The following BTC variants were observed in gnomAD, a reference collection of about 807,000 sequenced individuals.
BTC encodes probetacellulin.
In BTC, 13 loss-of-function variants were observed where a neutral mutation model predicts 18.1. The ratio of observed to expected loss-of-function variants is 0.72; its 90% CI spans 0.47 to 1.14. The LOEUF is 1.14. Ranked by LOEUF, BTC falls within the 50% of genes most tolerant of loss-of-function variation. BTC has a pLI of 0.00. For missense variants in BTC, 247 were observed against 224.2 expected, an observed-to-expected ratio of 1.10 and a Z score of -0.65; for synonymous variants, 83 against 79.4, an observed-to-expected ratio of 1.05 and a Z score of -0.24.
At chr4:74,781,389 G>A (rs917566017) in intron 1 of BTC, among the ~76,000 whole-genome samples, 8 of 130,710 alleles carry the variant, frequency 6.1e-5, no homozygotes, top group Non-Finnish European at 1.2e-4. Context: ...CGTCACGTGT[G>A]TGTGTGTGTG....
chr4:74,748,190 T>C, intron 4 of BTC, 41 bp from the exon 5 acceptor site: 2 of 1,200,700 alleles, frequency 1.7e-6, no homozygotes, highest in Non-Finnish European at 2.4e-6. Context: ...GGCCTAGTAG[T>C]TCATGCGAAC....
intron 2 of BTC, among the ~76,000 whole-genome samples, chr4:74,757,705 C>G (rs147542592): frequency 6.6e-6 from 1 of 152,292 alleles, no homozygotes; most frequent in African/African-American, 2.4e-5. Context: ...AAACAACCAT[C>G]ATAACCAGAT....
intron 2 of BTC, among the ~76,000 whole-genome samples, chr4:74,759,043 T>C (rs1553957037): frequency 6.6e-6 from 1 of 152,176 alleles, no homozygotes; most frequent in Non-Finnish European, 1.5e-5. Flanking sequence ...AGCATTCTTT[T>C]TTTTGAACGG....
At chr4:74,762,910 T>C (rs1229409966) in intron 2 of BTC, among the ~76,000 whole-genome samples, 1 of 152,204 alleles carries the variant, frequency 6.6e-6, no homozygotes, top group Non-Finnish European at 1.5e-5. Context: ...TCAAATCAAC[T>C]GATTTTCAAC....
intron 2 of BTC, among the ~76,000 whole-genome samples, chr4:74,763,719 C>T (rs1415253014): frequency 2.0e-5 from 3 of 151,800 alleles, no homozygotes; most frequent in East Asian, 3.9e-4. Flanking sequence ...GGGGAGATAG[C>T]CAGAGATTGG....
intron 1 of BTC, 80 bp downstream of exon 1, chr4:74,794,182 C>T: frequency 1.3e-6 from 2 of 1,525,704 alleles, no homozygotes; most frequent in Non-Finnish European, 8.9e-7. Flanking sequence ...CAGATGCCAG[C>T]TCGGTTCAGG....
In BTC at chr4:74,750,554, T is replaced by A. The variant is rs945982151; in HGVS notation, c.428+19A>T. 10 of 1,590,400 alleles carry A rather than the reference T, an allele frequency of 6.3e-6. No homozygotes were observed. Among genetic ancestry groups the A allele is most frequent in the African/African-American group, 1.4e-5 (1 of 73,314 alleles). Reference sequence around the variant, plus strand: ...ACTGTTTCTCAGATTTACTTAAAATTAAGTTTAAAAATACTTACTGACAGC... The same window carrying A: ...ACTGTTTCTCAGATTTACTTAAAATAAAGTTTAAAAATACTTACTGACAGC... On this transcript the variant is annotated intron_variant, in intron 4 of 5. Transcript: ENST00000395743.
intron 2 of BTC, among the ~76,000 whole-genome samples, chr4:74,761,372 C>T (rs1055011161): frequency 1.3e-5 from 2 of 152,112 alleles, no homozygotes; most frequent in Non-Finnish European, 2.9e-5. Context: ...GCTGGATACT[C>T]TTTCATCTCT....
intron 1 of BTC, among the ~76,000 whole-genome samples, chr4:74,781,210 A>G (rs1433209004): frequency 1.4e-5 from 2 of 145,594 alleles, no homozygotes; most frequent in Non-Finnish European, 3.0e-5. Context: ...TGGGGAATAA[A>G]TTTCTTCCAA....
chr4:74,783,952 G>C lies in BTC; in HGVS notation c.64+10310C>G, dbSNP rs58412003. On this transcript the variant is annotated intron_variant, in intron 1 of 5. Coordinates refer to ENST00000395743, the MANE Select transcript of BTC (RefSeq NM_001729.4). ...TGGTGTATAAGAATGCTAGGGATTA[G>C]GCTGGCATGGTGGCTCACTCCTGTA... 6.4e-3 allele frequency among the ~76,000 whole-genome samples: 968 copies of C among 152,078 alleles called. 14 individuals carry two copies. Among genetic ancestry groups the C allele is most frequent in the African/African-American group, 0.022 (920 of 41,478 alleles).
At chr4:74,769,980 G>T in intron 2 of BTC, 78 bp downstream of exon 2, 2 of 1,213,224 alleles carry the variant, frequency 1.6e-6, no homozygotes, top group Non-Finnish European at 2.4e-6. Context: ...ATGTTCAAAT[G>T]TTTACCTAGT....
Position 74,759,053 on chromosome 4 carries a change from G to A in BTC, c.164-3077C>T, listed in dbSNP as rs751788868. Among the ~76,000 whole-genome samples, 3 of 151,886 alleles carry A rather than the reference G, an allele frequency of 2.0e-5. No homozygotes were observed. In the South Asian group the frequency reaches 6.2e-4, roughly 32 times the overall value. Reference sequence around the variant, plus strand: ...TTATCAGCATTCTTTTTTTTGAACGGCACCTAAAATTTCAGTGCCTTATAA... The same window carrying A: ...TTATCAGCATTCTTTTTTTTGAACGACACCTAAAATTTCAGTGCCTTATAA... On this transcript the variant is annotated intron_variant, in intron 2 of 5. Coordinates refer to ENST00000395743, the MANE Select transcript of BTC (RefSeq NM_001729.4).
chr4:74,754,938 A>AACACACACACACACACACAC (rs33972204), intron 3 of BTC, among the ~76,000 whole-genome samples: 3 of 149,904 alleles, frequency 2.0e-5, no homozygotes, highest in Non-Finnish European at 3.0e-5. Context: ...TATCCCTCTC[A>AACACACACACACACACACAC]ACACACACAC....
intron 1 of BTC, among the ~76,000 whole-genome samples, chr4:74,770,771 C>T (rs1444243798): frequency 6.6e-6 from 1 of 151,396 alleles, no homozygotes; most frequent in Non-Finnish European, 1.5e-5. Flanking sequence ...TTCAAACAAA[C>T]CAACCAGAAA....
At chr4:74,773,921 A>G (rs889467974) in intron 1 of BTC, among the ~76,000 whole-genome samples, 1 of 152,108 alleles carries the variant, frequency 6.6e-6, no homozygotes, top group East Asian at 1.9e-4. Flanking sequence ...CCGACACACA[A>G]ATCTTTAAGG....
In BTC at chr4:74,749,851, T is replaced by C. The variant is rs188596308; in HGVS notation, c.428+722A>G. On this transcript the variant is annotated intron_variant, in intron 4 of 5. Transcript: ENST00000395743. Reference sequence around the variant, plus strand: ...TGGCTCACTCCTGTAATCCCGCTACTCAAGAGGCTGAGGCGGGAGGATCAC... The same window carrying C: ...TGGCTCACTCCTGTAATCCCGCTACCCAAGAGGCTGAGGCGGGAGGATCAC... Among the ~76,000 whole-genome samples the C allele has an allele frequency of 7.9e-3, 1,137 of 143,332 alleles. 5 individuals carry two copies. The highest frequency in any genetic ancestry group is 9.5e-3 in the Non-Finnish European group (636 of 66,774). 94.0% of individuals were successfully genotyped at this position (143,332 alleles called of 152,430 possible).
chr4:74,794,286 G>T lies in BTC; in HGVS notation c.40C>A (p.Pro14Thr), dbSNP rs1331803827. Residue 14 changes from proline (P) to threonine (T), a missense_variant, in exon 1 of 6, where the codon CCA becomes ACA. Pro to Thr is a conservative substitution (Grantham distance 38). Transcript: ENST00000395743. ...AARCSGASSL[P>T]LLLALALGLV... ...CCCAGGGCAAGGGCCAGGAGCAGTG[G>T]CAGGGAGCTGGCGCCGCTGCACCGG... 36 of 1,549,490 alleles carry T rather than the reference G, an allele frequency of 2.3e-5. 1 individual carries two copies. The Admixed American group carries it at 6.1e-4, about 26-fold the overall frequency.
chr4:74,778,270 T>A (rs1450694823), intron 1 of BTC, among the ~76,000 whole-genome samples: 1 of 152,168 alleles, frequency 6.6e-6, no homozygotes, highest in Non-Finnish European at 1.5e-5. Flanking sequence ...ATGTATTTGC[T>A]TTCAAAGCAG....
At chr4:74,758,442 A>G (rs1279556280) in intron 2 of BTC, among the ~76,000 whole-genome samples, 3 of 152,182 alleles carry the variant, frequency 2.0e-5, no homozygotes, top group Admixed American at 2.0e-4. Context: ...ATACAATGTG[A>G]GTCTGGGCGA....
Sources: gnomAD v4.1 joint callset for allele counts (sites outside exome capture counted in the v4.1 genomes callset) on GRCh38, gnomAD v4.1.1 for gene constraint, MANE v1.5 for transcripts, NCBI Gene and HGNC (gene_info 2026-07-23, HGNC 2026-07-21) for gene names.